GNAI1: variants seen among roughly 807,000 people sequenced by gnomAD.
GNAI1 encodes the protein guanine nucleotide-binding protein G(i) subunit alpha-1.
GNAI1 carries 11 observed loss-of-function variants against 38.9 expected under a neutral mutation model. The observed-to-expected ratio is 0.28, with a 90% CI of 0.18 to 0.47. GNAI1 has a LOEUF of 0.47. Among genes scored for constraint, GNAI1 ranks in the 20% least tolerant of loss-of-function variants. The pLI is 0.99. For missense variants in GNAI1, 317 were observed against 436.9 expected, an observed-to-expected ratio of 0.73 and a Z score of 2.45; for synonymous variants, 166 against 145.1, an observed-to-expected ratio of 1.14 and a Z score of -1.04.
At chr7:80,186,115 C>G (rs1788383095) in intron 1 of GNAI1, among the ~76,000 whole-genome samples, 1 of 150,430 alleles carries the variant, frequency 6.6e-6, no homozygotes, top group Non-Finnish European at 1.5e-5. Flanking sequence ...TCACTGCAAC[C>G]TCTGCCTCCC....
intron 3 of GNAI1, among the ~76,000 whole-genome samples, chr7:80,189,653 A>G (rs1010373126): frequency 5.3e-5 from 8 of 152,360 alleles, no homozygotes; most frequent in Non-Finnish European, 8.8e-5. Context: ...CTAATCTCGA[A>G]TAATGAAAAC....
At chr7:80,146,039 C>T (rs1051465534) in intron 1 of GNAI1, among the ~76,000 whole-genome samples, 2 of 152,176 alleles carry the variant, frequency 1.3e-5, no homozygotes, top group Non-Finnish European at 2.9e-5. Context: ...GAAAGGTCAG[C>T]TCAGGCATTC....
At chr7:80,217,237 A>T in intron 7 of GNAI1, 66 bp from the exon 8 acceptor site, 2 of 1,037,922 alleles carry the variant, frequency 1.9e-6, no homozygotes, top group Non-Finnish European at 2.8e-6. Context: ...TATGAAACTG[A>T]ATTCAGTATT....
intron 7 of GNAI1, among the ~76,000 whole-genome samples, chr7:80,214,944 G>A (rs1413676327): frequency 2.0e-5 from 3 of 152,180 alleles, no homozygotes; most frequent in East Asian, 1.9e-4. Context: ...GCAACTGCTT[G>A]AACATACATG....
intron 1 of GNAI1, among the ~76,000 whole-genome samples, chr7:80,180,347 GTGTA>G (rs979066791): frequency 3.5e-4 from 47 of 132,978 alleles, no homozygotes; most frequent in South Asian, 1.2e-3. Context: ...GTGTGTGTGT[GTGTA>G]TATAAAGTGT....
At chr7:80,161,975 G>A (rs1787931555) in intron 1 of GNAI1, among the ~76,000 whole-genome samples, 1 of 152,256 alleles carries the variant, frequency 6.6e-6, no homozygotes, top group Middle Eastern at 3.4e-3. Context: ...GTTATCGAGT[G>A]TCTGTGCTGT....
chr7:80,156,435 T>C (rs1010203767), intron 1 of GNAI1, among the ~76,000 whole-genome samples: 8 of 143,986 alleles, frequency 5.6e-5, no homozygotes, highest in Non-Finnish European at 1.1e-4. Flanking sequence ...AAAGGAAAGC[T>C]TTTTTTTTTT....
At chr7:80,213,266 G>C (rs1788903822) in intron 7 of GNAI1, among the ~76,000 whole-genome samples, 1 of 152,084 alleles carries the variant, frequency 6.6e-6, no homozygotes, top group Admixed American at 6.6e-5. Context: ...GCTAAAATAA[G>C]GAACATGAAC....
intron 1 of GNAI1, among the ~76,000 whole-genome samples, chr7:80,184,788 C>T (rs1340938242): frequency 2.0e-5 from 3 of 152,188 alleles, no homozygotes; most frequent in African/African-American, 7.2e-5. Flanking sequence ...GCCTGACTAG[C>T]TACCTACTAT....
chr7:80,201,576 T>G (rs1374233846), intron 4 of GNAI1, among the ~76,000 whole-genome samples: 2 of 151,964 alleles, frequency 1.3e-5, no homozygotes, highest in Non-Finnish European at 2.9e-5. Flanking sequence ...AATAAAAAAT[T>G]TAGCCAGCAT....
chr7:80,135,197 G>A lies in GNAI1; in HGVS notation c.37G>A (p.Val13Met). The change falls in exon 1 of 8, where the codon GTG becomes ATG. Residue 13 changes from valine to methionine, a missense_variant. By Grantham distance (21) the Val-to-Met change is conservative (BLOSUM62 1). Around this residue, in one of 5 missense-constraint regions of GNAI1, gnomAD observed 37 missense variants for 26.2 expected, o/e 1.41. Transcript: ENST00000649796. Reference sequence around the variant, plus strand: ...GCTGAGCGCCGAGGACAAGGCGGCGGTGGAGCGGAGTAAGATGATCGACCG... The same window carrying A: ...GCTGAGCGCCGAGGACAAGGCGGCGATGGAGCGGAGTAAGATGATCGACCG... ...CTLSAEDKAA[V>M]ERSKMIDRNL... 1 of 1,556,208 alleles carries A rather than the reference G, an allele frequency of 6.4e-7. No individual in the cohort carries two copies. Among genetic ancestry groups the A allele is most frequent in the Non-Finnish European group, 8.7e-7 (1 of 1,152,028 alleles).
At position 80,135,185 on chromosome 7, in the gene GNAI1, G is replaced by A. The variant is rs1397814226; in HGVS notation, c.25G>A (p.Asp9Asn). The A allele has an allele frequency of 1.3e-6, 2 of 1,547,842 alleles. No homozygotes were observed. The highest frequency in any genetic ancestry group is 1.2e-5 in the South Asian group (1 of 83,226). ...CATGGGCTGCACGCTGAGCGCCGAG[G>A]ACAAGGCGGCGGTGGAGCGGAGTAA... MGCTLSAEDKAAVERSKMI... is the reference protein window; with the variant it reads MGCTLSAENKAAVERSKMI... Residue 9 changes from aspartate to asparagine, a missense_variant, in exon 1 of 8, where the codon GAC (aspartate) becomes AAC (asparagine). Asp to Asn is a conservative substitution (Grantham distance 23). Coordinates refer to ENST00000649796, the MANE Select transcript of GNAI1 (RefSeq NM_002069.6).
At chr7:80,208,847 G>T (rs916160690) in intron 5 of GNAI1, among the ~76,000 whole-genome samples, 3 of 152,068 alleles carry the variant, frequency 2.0e-5, no homozygotes, top group Non-Finnish European at 2.9e-5. Context: ...CCCAGCGCTG[G>T]AACACACAGT....
chr7:80,216,456 C>G (rs527540592), intron 7 of GNAI1, among the ~76,000 whole-genome samples: 18 of 152,252 alleles, frequency 1.2e-4, no homozygotes, highest in Non-Finnish European at 2.5e-4. Flanking sequence ...GTTCCACAGA[C>G]ACTATTGGTG....
chr7:80,168,211 T>C (rs1203513382), intron 1 of GNAI1, among the ~76,000 whole-genome samples: 1 of 152,052 alleles, frequency 6.6e-6, no homozygotes, highest in Non-Finnish European at 1.5e-5. Context: ...GCTCTAGAAA[T>C]CTCTAGTCAT....
chr7:80,191,011 A>G (rs1229220876), intron 3 of GNAI1, among the ~76,000 whole-genome samples: 1 of 151,712 alleles, frequency 6.6e-6, no homozygotes, highest in Non-Finnish European at 1.5e-5. Flanking sequence ...TGCTTTGCTC[A>G]TCTTTGTTTC....
chr7:80,188,887 G>A, intron 1 of GNAI1, 64 bp from the exon 2 acceptor site: 1 of 947,060 alleles, frequency 1.1e-6, no homozygotes, highest in South Asian at 1.4e-5. Flanking sequence ...TTTGTGTGTT[G>A]GGAGTTGAAT....
chr7:80,202,243 C>T (rs1788700509), intron 4 of GNAI1, among the ~76,000 whole-genome samples: 1 of 152,038 alleles, frequency 6.6e-6, no homozygotes, highest in African/African-American at 2.4e-5. Flanking sequence ...GCACGCCTCA[C>T]CACGTCCAGC....
In GNAI1 at chr7:80,220,030, A is replaced by T. The variant is rs147535306; in HGVS notation, c.*2537A>T. On this transcript the variant is annotated 3_prime_UTR_variant, in exon 8 of 8. Transcript: ENST00000649796. Reference sequence around the variant, plus strand: ...CCCACCTCCCATTTCTCTCTTCTCGAAAAACCCAGGTTAGTTATCCTAATG... The same window carrying T: ...CCCACCTCCCATTTCTCTCTTCTCGTAAAACCCAGGTTAGTTATCCTAATG... Among the ~76,000 whole-genome samples the T allele has an allele frequency of 4.7e-4, 71 of 152,324 alleles. 2 individuals carry two copies. In the East Asian group the frequency reaches 0.013, roughly 28 times the overall value.
Sources: gnomAD v4.1 joint callset for allele counts (sites outside exome capture counted in the v4.1 genomes callset) on GRCh38, gnomAD v4.1.1 for gene constraint, gnomAD v4.1.1 regional missense constraint, MANE v1.5 for transcripts, NCBI Gene and HGNC (gene_info 2026-07-23, HGNC 2026-07-21) for gene names.